COP1: variants seen among roughly 807,000 people sequenced by gnomAD.
COP1 encodes COP1 E3 ubiquitin ligase, also known as E3 ubiquitin-protein ligase COP1.
In COP1, 24 loss-of-function variants were observed where a neutral mutation model predicts 101.3. The ratio of observed to expected loss-of-function variants is 0.24; its 90% CI spans 0.17 to 0.33. The LOEUF is 0.33. Among genes scored for constraint, COP1 ranks in the 10% least tolerant of loss-of-function variants. The pLI is 1.00. For synonymous variants in COP1, 347 were observed against 341.9 expected, an observed-to-expected ratio of 1.01 and a Z score of -0.17; for missense variants, 663 against 906.2, an observed-to-expected ratio of 0.73 and a Z score of 3.45.
chr1:176,077,324 T>C (rs1198330759), intron 11 of COP1, among the ~76,000 whole-genome samples: 1 of 152,144 alleles, frequency 6.6e-6, no homozygotes, highest in Non-Finnish European at 1.5e-5. Flanking sequence ...GCTTTATTCC[T>C]GCAATGCAAG....
intron 11 of COP1, among the ~76,000 whole-genome samples, chr1:176,080,586 T>C (rs1413401075): frequency 6.6e-6 from 1 of 152,060 alleles, no homozygotes; most frequent in African/African-American, 2.4e-5. Context: ...GGGAAAATCA[T>C]CATACAATCC....
chr1:176,148,972 T>C, intron 6 of COP1, 34 bp downstream of exon 6: 2 of 1,352,438 alleles, frequency 1.5e-6, no homozygotes, highest in Non-Finnish European at 2.1e-6. Flanking sequence ...CAATAGTAAA[T>C]AAAACATTAT....
At chr1:176,137,336 G>A (rs544261586) in intron 6 of COP1, among the ~76,000 whole-genome samples, 16 of 152,102 alleles carry the variant, frequency 1.1e-4, no homozygotes, top group African/African-American at 3.4e-4. Context: ...GGAACATATT[G>A]TTCTTTCAGA....
At chr1:176,170,253 A>G (rs1297437402) in intron 3 of COP1, among the ~76,000 whole-genome samples, 1 of 152,212 alleles carries the variant, frequency 6.6e-6, no homozygotes, top group African/African-American at 2.4e-5. Context: ...CCCATGAAAC[A>G]TGAGTGTTCT....
intron 14 of COP1, 138 bp downstream of exon 14, chr1:176,043,048 C>T (rs1412716296): frequency 3.2e-6 from 2 of 634,584 alleles, no homozygotes; most frequent in South Asian, 2.1e-5. Context: ...AACAAAACAA[C>T]ATGGGGAATA....
At position 176,176,070 on chromosome 1, in the gene COP1, C is replaced by T. The variant is rs944249879; in HGVS notation, c.468-63G>A. The T allele has an allele frequency of 1.0e-5, 8 of 778,412 alleles. No individual in the cohort carries two copies. The East Asian group carries it at 1.7e-4, about 17-fold the overall frequency. The allele number at this position is 778,412 out of a possible 1,614,324, so 48.2% of individuals were successfully genotyped here. On this transcript the variant is annotated intron_variant, in intron 2 of 19. Coordinates refer to ENST00000367669, the MANE Select transcript of COP1 (RefSeq NM_022457.7). ...CAATGAAAAATTAATAAACTGGTCA[C>T]AAAATAATGACTATTAGTCTTCTAT...
chr1:176,002,762 G>T (rs1662042403), intron 15 of COP1, among the ~76,000 whole-genome samples: 2 of 148,680 alleles, frequency 1.3e-5, no homozygotes, highest in Admixed American at 1.4e-4. Flanking sequence ...ATCATTGTTG[G>T]ACATTTGGGT....
chr1:176,154,551 C>T (rs1382562835), intron 5 of COP1, among the ~76,000 whole-genome samples: 1 of 152,152 alleles, frequency 6.6e-6, no homozygotes, highest in African/African-American at 2.4e-5. Flanking sequence ...CCAAATACCA[C>T]ATGTTCTCAC....
intron 15 of COP1, among the ~76,000 whole-genome samples, chr1:176,007,376 G>A (rs377680340): frequency 5.9e-4 from 90 of 152,248 alleles, no homozygotes; most frequent in African/African-American, 1.6e-3. Flanking sequence ...GCTTTGTTCC[G>A]TTGCTGGTGA....
rs151228500 is a variant in COP1, at chr1:176,206,628, G to A, written c.351C>T (p.Ala117=). The change falls in exon 1 of 20, where the codon GCC becomes GCT. Residue 117 remains alanine (A), a synonymous_variant. Coordinates refer to ENST00000367669, the MANE Select transcript of COP1 (RefSeq NM_022457.7). ...GSGSRKRPLL[A]PLCNGLINSY... is the part of the protein sequence containing the mutation. ...AGTTGATGAGCCCGTTGCAGAGGGG[G>A]GCGAGGAGAGGTCGCTTCCTGCTGC... 4,492 of 1,612,194 alleles carry A rather than the reference G, an allele frequency of 2.8e-3. 17 individuals carry two copies. The highest frequency in any genetic ancestry group is 3.3e-3 in the Non-Finnish European group (3,843 of 1,179,998).
intron 5 of COP1, among the ~76,000 whole-genome samples, chr1:176,160,872 C>T (rs377643118): frequency 2.6e-5 from 4 of 152,226 alleles, no homozygotes; most frequent in Middle Eastern, 6.8e-3. Flanking sequence ...TTACCACCTC[C>T]GTTGGGGGTG....
intron 1 of COP1, among the ~76,000 whole-genome samples, chr1:176,196,467 A>T (rs1699711424): frequency 6.6e-6 from 1 of 152,172 alleles, no homozygotes; most frequent in South Asian, 2.1e-4. Context: ...TAAGGGGTAT[A>T]TTATTATTAT....
At chr1:176,167,959 AT>A (rs34557277) in intron 3 of COP1, among the ~76,000 whole-genome samples, 52 of 150,426 alleles carry the variant, frequency 3.5e-4, no homozygotes, top group African/African-American at 1.1e-3. Context: ...TGCATCAGCC[AT>A]TTTTTTTTTA....
chr1:176,163,331 C>T (rs1442793210), intron 4 of COP1, among the ~76,000 whole-genome samples: 2 of 152,160 alleles, frequency 1.3e-5, no homozygotes, highest in Non-Finnish European at 2.9e-5. Context: ...TCATTTGCCT[C>T]CATAATTTGG....
intron 5 of COP1, among the ~76,000 whole-genome samples, chr1:176,151,952 ATT>A (rs34038117): frequency 5.1e-4 from 71 of 140,110 alleles, no homozygotes; most frequent in Admixed American, 6.4e-4. Flanking sequence ...TTTTGAGGGC[ATT>A]TTTTTTTTTT....
chr1:176,100,854 G>A (rs1299406787), intron 9 of COP1, among the ~76,000 whole-genome samples: 1 of 152,098 alleles, frequency 6.6e-6, no homozygotes, highest in Non-Finnish European at 1.5e-5. Context: ...AGGAGTCCGT[G>A]CAACACCCCC....
intron 11 of COP1, among the ~76,000 whole-genome samples, chr1:176,080,330 C>T (rs1249019608): frequency 2.0e-5 from 3 of 151,936 alleles, no homozygotes; most frequent in Non-Finnish European, 4.4e-5. Context: ...AAGAAGGTAT[C>T]AACTAAAGGA....
chr1:176,027,505 G>T, intron 15 of COP1, 67 bp downstream of exon 15: 1 of 898,978 alleles, frequency 1.1e-6, no homozygotes, highest in Non-Finnish European at 1.8e-6. Context: ...GTTTTAAAAT[G>T]CTCTCCTATC....
At chr1:176,013,560 T>G (rs887202274) in intron 15 of COP1, among the ~76,000 whole-genome samples, 1 of 152,184 alleles carries the variant, frequency 6.6e-6, no homozygotes, top group African/African-American at 2.4e-5. Flanking sequence ...TAGACTATCA[T>G]AAATAAATTA....
Sources: gnomAD v4.1 joint callset for allele counts (sites outside exome capture counted in the v4.1 genomes callset) on GRCh38, gnomAD v4.1.1 for gene constraint, MANE v1.5 for transcripts, NCBI Gene and HGNC (gene_info 2026-07-23, HGNC 2026-07-21) for gene names.